Variants in SLC35F3 observed in about 807,000 individuals in gnomAD.
SLC35F3 encodes putative thiamine transporter SLC35F3.
SLC35F3 carries 25 observed loss-of-function variants against 49.9 expected under a neutral mutation model. The ratio of observed to expected loss-of-function variants is 0.50; its 90% confidence interval spans 0.37 to 0.70. The LOEUF (loss-of-function observed/expected upper bound fraction) is 0.70. Among genes scored for constraint, SLC35F3 ranks in the 30% least tolerant of loss-of-function variants. The pLI, the probability that SLC35F3 is intolerant of heterozygous loss-of-function variation, is 0.00. For missense variants in SLC35F3, 525 were observed against 639.8 expected (o/e 0.82, Z 1.94); for synonymous variants, 275 against 265.4 (o/e 1.04, Z -0.35).
chr1:234,054,591 C>T (rs1664427599), intron 2 of SLC35F3, among the ~76,000 whole-genome samples: 1 of 152,150 alleles, frequency 6.6e-6, no homozygotes, highest in Non-Finnish European at 1.5e-5. Context: ...CGAACATTCT[C>T]CTTTAGTTCA....
At chr1:234,217,720 C>G (rs72632289) in intron 2 of SLC35F3, among the ~76,000 whole-genome samples, 1 of 151,560 alleles carries the variant, frequency 6.6e-6, no homozygotes, top group African/African-American at 2.4e-5. Flanking sequence ...AAGGCCTTGC[C>G]GGGGAAGCCT....
chr1:233,961,800 G>C (rs187754949), intron 2 of SLC35F3, among the ~76,000 whole-genome samples: 165 of 152,298 alleles, frequency 1.1e-3, no homozygotes, highest in Non-Finnish European at 9.3e-4. Flanking sequence ...TCAGGTCGTA[G>C]CTCTCTAGCT....
intron 2 of SLC35F3, among the ~76,000 whole-genome samples, chr1:234,095,311 C>T (rs1392061200): frequency 6.6e-6 from 1 of 152,060 alleles, no homozygotes; most frequent in East Asian, 1.9e-4. Flanking sequence ...AGATTTGGGC[C>T]TTTGCCAGGT....
intron 3 of SLC35F3, among the ~76,000 whole-genome samples, chr1:234,250,562 G>A (rs1667721135): frequency 6.7e-6 from 1 of 149,856 alleles, no homozygotes; most frequent in Non-Finnish European, 1.5e-5. Context: ...GCTGAGGCAG[G>A]AGAATGGCGT....
In SLC35F3 at chr1:234,147,233, T is replaced by A. The variant is rs914568353; in HGVS notation, c.284-84184T>A. 2.2e-3 allele frequency among the ~76,000 whole-genome samples: 174 copies of A among 80,646 alleles called. No individual in the cohort carries two copies. The African/African-American group carries it at 0.027, about 12-fold the overall frequency. 52.9% of individuals were successfully genotyped at this position (80,646 alleles called of 152,430 possible). On this transcript the variant is annotated intron_variant, in intron 2 of 7. Transcript: ENST00000366618. ...CATAGTTTGCCCTTTCTATTTTCTTTTTTTTTTTTTTTTGTCCTGTTGGAA... is the reference window on the plus strand; with the variant it reads ...CATAGTTTGCCCTTTCTATTTTCTTATTTTTTTTTTTTTGTCCTGTTGGAA...
At chr1:233,909,287 G>C (rs879636695) in intron 2 of SLC35F3, among the ~76,000 whole-genome samples, 1 of 152,164 alleles carries the variant, frequency 6.6e-6, no homozygotes, top group Non-Finnish European at 1.5e-5. Context: ...AGTGGCAAAA[G>C]TCCTCCAAGC....
At chr1:234,041,975 C>G (rs1664228375) in intron 2 of SLC35F3, among the ~76,000 whole-genome samples, 1 of 152,134 alleles carries the variant, frequency 6.6e-6, no homozygotes, top group Admixed American at 6.5e-5. Flanking sequence ...CGTGCATGTC[C>G]CCCTTATGGC....
At chr1:233,969,604 A>T (rs528139799) in intron 2 of SLC35F3, among the ~76,000 whole-genome samples, 1 of 152,352 alleles carries the variant, frequency 6.6e-6, no homozygotes, top group South Asian at 2.1e-4. Context: ...GTCACATAAA[A>T]GTCACAAGTA....
At chr1:233,927,421 TA>T (rs946552426) in intron 2 of SLC35F3, among the ~76,000 whole-genome samples, 1 of 152,116 alleles carries the variant, frequency 6.6e-6, no homozygotes, top group African/African-American at 2.4e-5. Flanking sequence ...TTTATACCTA[TA>T]ACAACAAAAA....
intron 2 of SLC35F3, among the ~76,000 whole-genome samples, chr1:234,061,810 A>G (rs1321397071): frequency 2.0e-5 from 3 of 152,172 alleles, no homozygotes; most frequent in African/African-American, 7.2e-5. Flanking sequence ...TGGCTTTTTA[A>G]AAAAATAATA....
At chr1:234,071,528 C>A (rs1572040689) in intron 2 of SLC35F3, among the ~76,000 whole-genome samples, 1 of 152,306 alleles carries the variant, frequency 6.6e-6, no homozygotes, top group Non-Finnish European at 1.5e-5. Context: ...CCATTTCTCT[C>A]ACCTCTGATA....
At chr1:234,188,508 A>G (rs771200509) in intron 2 of SLC35F3, among the ~76,000 whole-genome samples, 1 of 152,034 alleles carries the variant, frequency 6.6e-6, no homozygotes, top group Non-Finnish European at 1.5e-5. Flanking sequence ...ATTGACCTGG[A>G]ACCACACCCC....
intron 2 of SLC35F3, among the ~76,000 whole-genome samples, chr1:234,208,055 G>C (rs1558260751): frequency 6.6e-6 from 1 of 152,164 alleles, no homozygotes; most frequent in Non-Finnish European, 1.5e-5. Flanking sequence ...CTGGAAAACT[G>C]CCAAAGGTGT....
At chr1:234,112,205 G>GA (rs1244626089) in intron 2 of SLC35F3, among the ~76,000 whole-genome samples, 1 of 151,888 alleles carries the variant, frequency 6.6e-6, no homozygotes, top group East Asian at 1.9e-4. Flanking sequence ...AAATAAAGGA[G>GA]CCAGGCATGG....
chr1:233,918,860 A>G (rs1238191661), intron 2 of SLC35F3, among the ~76,000 whole-genome samples: 1 of 139,178 alleles, frequency 7.2e-6, no homozygotes, highest in Middle Eastern at 3.5e-3. Flanking sequence ...GTGTGTGTTT[A>G]TTTCTTGTGC....
At chr1:234,070,066 A>G (rs1664689720) in intron 2 of SLC35F3, among the ~76,000 whole-genome samples, 1 of 152,222 alleles carries the variant, frequency 6.6e-6, no homozygotes, top group Admixed American at 6.5e-5. Context: ...AAATGGCTGG[A>G]AAGAACGTGC....
At chr1:234,051,128 T>C (rs547080489) in intron 2 of SLC35F3, among the ~76,000 whole-genome samples, 5 of 152,334 alleles carry the variant, frequency 3.3e-5, no homozygotes, top group African/African-American at 9.6e-5. Context: ...CGGGCTCTTT[T>C]TTTGGTTCCA....
chr1:234,275,246 A>T (rs1200525004), intron 3 of SLC35F3, among the ~76,000 whole-genome samples: 1 of 152,166 alleles, frequency 6.6e-6, no homozygotes, highest in African/African-American at 2.4e-5. Context: ...TACAAAGTGT[A>T]TCAGAAACGT....
chr1:233,958,422 A>G (rs1662740451), intron 2 of SLC35F3, among the ~76,000 whole-genome samples: 1 of 152,252 alleles, frequency 6.6e-6, no homozygotes, highest in Admixed American at 6.5e-5. Context: ...AGTAGTAAGC[A>G]TTTATTGAAT....
Sources: allele counts gnomAD v4.1 joint callset (sites outside exome capture counted in the v4.1 genomes callset), GRCh38; gene constraint gnomAD v4.1.1; transcripts MANE v1.5; gene names NCBI Gene and HGNC (gene_info 2026-07-23, HGNC 2026-07-21).